PRKCB: variants seen among roughly 807,000 people sequenced by gnomAD.
PRKCB encodes protein kinase C beta type.
A neutral mutation model predicts 81.5 loss-of-function variants in PRKCB; 13 were observed. The ratio of observed to expected loss-of-function variants is 0.16; its 90% CI spans 0.10 to 0.25. The LOEUF is 0.25. Among genes scored for constraint, PRKCB ranks in the 10% least tolerant of loss-of-function variants. The probability of loss-of-function intolerance (pLI) is 1.00; values close to 1 mark genes in which losing one functional copy is unlikely to be tolerated. For synonymous variants in PRKCB, 335 were observed against 321.4 expected, an observed-to-expected ratio of 1.04 and a Z score of -0.45; for missense variants, 509 against 875.7, an observed-to-expected ratio of 0.58 and a Z score of 5.29.
At chr16:23,896,887 TCCATC>T (rs1963387627) in intron 2 of PRKCB, among the ~76,000 whole-genome samples, 1 of 56,916 alleles carries the variant, frequency 1.8e-5, no homozygotes, top group African/African-American at 8.2e-5. Context: ...CATCCAACCA[TCCATC>T]CATCCATCCA....
At chr16:24,166,964 TG>T (rs1025558303) in intron 10 of PRKCB, among the ~76,000 whole-genome samples, 17 of 151,986 alleles carry the variant, frequency 1.1e-4, no homozygotes, top group Admixed American at 8.5e-4. Context: ...CTAATGAGTC[TG>T]GGGGGCAAGC....
At chr16:23,874,468 T>G (rs1027494534) in intron 2 of PRKCB, among the ~76,000 whole-genome samples, 12 of 152,144 alleles carry the variant, frequency 7.9e-5, no homozygotes, top group African/African-American at 2.9e-4. Flanking sequence ...AAATGAAACC[T>G]TAAGAGTTTT....
chr16:23,847,466 A>ACCCATCCACCCAGCTATTCT lies in PRKCB; in HGVS notation c.205+10060_205+10061insCCCATCCACCCAGCTATTCT, dbSNP rs1567288384. Among the ~76,000 whole-genome samples, 26 of 149,276 alleles carry ACCCATCCACCCAGCTATTCT rather than the reference A, an allele frequency of 1.7e-4. 4 individuals are homozygous for ACCCATCCACCCAGCTATTCT. The highest frequency in any genetic ancestry group is 6.5e-4 in the South Asian group (3 of 4,636). Reference sequence around the variant, plus strand: ...CATCCATCCATCCATCCATCCATCCATCCATCCATCCACCCAGCTATTCTT... The same window carrying ACCCATCCACCCAGCTATTCT: ...CATCCATCCATCCATCCATCCATCCACCCATCCACCCAGCTATTCTTCCATCCATCCACCCAGCTATTCTT... On this transcript the variant is annotated intron_variant, in intron 2 of 16. Transcript: ENST00000643927.
chr16:24,100,155 ATTG>A (rs1966487540), intron 7 of PRKCB, among the ~76,000 whole-genome samples: 1 of 151,966 alleles, frequency 6.6e-6, no homozygotes. Flanking sequence ...ATGTCAGTCC[ATTG>A]TTGTATATAA....
intron 2 of PRKCB, among the ~76,000 whole-genome samples, chr16:23,884,945 C>CCTTTGGGATCAGACAAACCTGGATTTG (rs61461932): frequency 0.97 from 146,883 of 151,978 alleles, 71,014 homozygotes; most frequent in East Asian, 1. Flanking sequence ...AGGTGCAGGG[C>CCTTTGGGATCAGACAAACCTGGATTTG]ACTCCCAGGT....
At chr16:24,029,779 A>G (rs1433678586) in intron 3 of PRKCB, among the ~76,000 whole-genome samples, 8 of 152,244 alleles carry the variant, frequency 5.3e-5, no homozygotes, top group Non-Finnish European at 1.0e-4. Flanking sequence ...ATCAATAAAT[A>G]CATGTGAATG....
intron 9 of PRKCB, among the ~76,000 whole-genome samples, chr16:24,142,981 T>G (rs1966925092): frequency 6.6e-6 from 1 of 152,064 alleles, no homozygotes; most frequent in Non-Finnish European, 1.5e-5. Flanking sequence ...AGGCCTACAG[T>G]ATATACACAT....
At chr16:23,908,684 C>G (rs564478670) in intron 2 of PRKCB, among the ~76,000 whole-genome samples, 1 of 69,646 alleles carries the variant, frequency 1.4e-5, no homozygotes, top group Non-Finnish European at 2.8e-5. Context: ...CACCACCGTG[C>G]CCAGCTAATT....
At chr16:23,851,658 G>A (rs1304094036) in intron 2 of PRKCB, among the ~76,000 whole-genome samples, 1 of 152,144 alleles carries the variant, frequency 6.6e-6, no homozygotes, top group Non-Finnish European at 1.5e-5. Flanking sequence ...CACTGAATCT[G>A]TAGATTGCTT....
Position 23,882,021 on chromosome 16 carries a change from T to TCTTTCTTCCTTCCTTCCTTCCTTCCTTC in PRKCB, c.205+44618_205+44619insTCTTCCTTCCTTCCTTCCTTCCTTCCTT. 4.7e-4 allele frequency among the ~76,000 whole-genome samples: 26 copies of TCTTTCTTCCTTCCTTCCTTCCTTCCTTC among 55,636 alleles called. 2 individuals carry two copies. Among genetic ancestry groups the TCTTTCTTCCTTCCTTCCTTCCTTCCTTC allele is most frequent in the South Asian group, 2.6e-3 (3 of 1,166 alleles). The allele number at this position is 55,636 out of a possible 152,430, so 36.5% of individuals were successfully genotyped here. On this transcript the variant is annotated intron_variant, in intron 2 of 16. Coordinates refer to ENST00000643927, the MANE Select transcript of PRKCB (RefSeq NM_002738.7). ...TTCTTTCTTTCTTTCTTTCTTTCTT[T>TCTTTCTTCCTTCCTTCCTTCCTTCCTTC]CTTCCTTCCTTCCTTCCTTCCTTCC...
chr16:24,086,985 T>C (rs947673159), intron 5 of PRKCB, among the ~76,000 whole-genome samples: 4 of 152,344 alleles, frequency 2.6e-5, no homozygotes, highest in Admixed American at 6.5e-5. Flanking sequence ...TTACCTGATG[T>C]ACTAATTGTT....
At chr16:24,096,662 AAAAAAT>A (rs1966444638) in intron 7 of PRKCB, among the ~76,000 whole-genome samples, 2 of 40,444 alleles carry the variant, frequency 4.9e-5, no homozygotes, top group South Asian at 2.2e-3. Flanking sequence ...CAAAAAAAAA[AAAAAAT>A]ATATATATAT....
chr16:23,952,026 C>G (rs200641334), intron 2 of PRKCB, among the ~76,000 whole-genome samples: 1 of 152,150 alleles, frequency 6.6e-6, no homozygotes, highest in East Asian at 1.9e-4. Flanking sequence ...CTCTGTCTCT[C>G]TAGGGACTAG....
At chr16:24,095,870 T>C (rs1281493807) in intron 7 of PRKCB, among the ~76,000 whole-genome samples, 1 of 152,150 alleles carries the variant, frequency 6.6e-6, no homozygotes, top group Non-Finnish European at 1.5e-5. Flanking sequence ...TCTTGTGACC[T>C]CTGGAATAAT....
chr16:24,042,562 G>A (rs139301524), intron 5 of PRKCB, among the ~76,000 whole-genome samples: 24 of 151,922 alleles, frequency 1.6e-4, no homozygotes, highest in Non-Finnish European at 2.4e-4. Context: ...CAACTATCTC[G>A]CTCTCCATCC....
chr16:24,084,085 A>G (rs1966284923), intron 5 of PRKCB, among the ~76,000 whole-genome samples: 1 of 152,124 alleles, frequency 6.6e-6, no homozygotes, highest in Admixed American at 6.5e-5. Flanking sequence ...AGAAAATGTA[A>G]TAAGTAATAT....
At chr16:23,924,986 G>A (rs976355) in intron 2 of PRKCB, among the ~76,000 whole-genome samples, 139,715 of 152,100 alleles carry the variant, frequency 0.92, 64,456 homozygotes, top group East Asian at 1. Flanking sequence ...AATGATTTAC[G>A]GACTGGGACC....
intron 2 of PRKCB, among the ~76,000 whole-genome samples, chr16:23,939,636 A>T (rs1964112011): frequency 6.6e-6 from 1 of 152,228 alleles, no homozygotes; most frequent in South Asian, 2.1e-4. Context: ...GTGCTAGAAC[A>T]ATTGGATATT....
intron 16 of PRKCB, among the ~76,000 whole-genome samples, chr16:24,206,819 C>T (rs1244143351): frequency 3.3e-5 from 5 of 152,212 alleles, no homozygotes; most frequent in Admixed American, 3.3e-4. Context: ...TATGTATCGC[C>T]AGAGTCCAGC....
Sources: allele counts gnomAD v4.1 joint callset (sites outside exome capture counted in the v4.1 genomes callset), GRCh38; gene constraint gnomAD v4.1.1; transcripts MANE v1.5; gene names NCBI Gene and HGNC (gene_info 2026-07-23, HGNC 2026-07-21).